Variants in ST18 observed in about 807,000 individuals in gnomAD.
The protein encoded by ST18 is suppression of tumorigenicity 18 protein.
Under a neutral mutation model 110.0 loss-of-function variants are expected in ST18, and 50 were observed. That is an observed-to-expected ratio of 0.45 (90% CI 0.36 to 0.58). ST18 has a LOEUF of 0.58. Ranked by LOEUF, ST18 falls within the 20% of genes least tolerant of loss-of-function variation. ST18 has a pLI of 0.00. For missense variants in ST18, 1,306 were observed against 1,280.1 expected, an observed-to-expected ratio of 1.02 and a Z score of -0.31; for synonymous variants, 461 against 452.4, an observed-to-expected ratio of 1.02 and a Z score of -0.24.
chr8:52,269,160 G>A (rs888667066), intron 2 of ST18, among the ~76,000 whole-genome samples: 5 of 152,176 alleles, frequency 3.3e-5, no homozygotes, highest in African/African-American at 9.7e-5. Flanking sequence ...AATGCTGGGC[G>A]GCAATGACTT....
In ST18 at chr8:52,172,065, G is replaced by C; in HGVS notation, c.796C>G (p.Pro266Ala). Residue 266 changes from proline to alanine, a missense_variant, in exon 10 of 26, where the codon CCC becomes GCC. Transcript: ENST00000689386. ...GAGGGCTGGGCATTGCCATCCAGGG[G>C]TTCTGCGAGAGCATTCTGCGGGTCT... The part of the protein sequence containing the change: ...RKDPQNALAE[P>A]LDGNAQPSFP... 6.2e-7 allele frequency: 1 copy of C among 1,614,232 alleles called. No homozygotes were observed.
At chr8:52,278,015 A>G (rs1419718404) in intron 2 of ST18, among the ~76,000 whole-genome samples, 2 of 152,142 alleles carry the variant, frequency 1.3e-5, no homozygotes, top group African/African-American at 4.8e-5. Context: ...AATATTATAA[A>G]ATTAATTATT....
chr8:52,233,217 A>G (rs2091902918), intron 2 of ST18, among the ~76,000 whole-genome samples: 1 of 152,158 alleles, frequency 6.6e-6, no homozygotes, highest in Non-Finnish European at 1.5e-5. Context: ...ATTCTTCTGG[A>G]GAATGTTTAT....
chr8:52,127,586 C>G (rs7822841), intron 22 of ST18, among the ~76,000 whole-genome samples: 47,742 of 152,104 alleles, frequency 0.31, 11,208 homozygotes, highest in African/African-American at 0.67. Context: ...GAACTTCTCT[C>G]ATCCTCACCC....
chr8:52,182,001 T>C (rs2069853796), intron 8 of ST18, among the ~76,000 whole-genome samples: 2 of 151,972 alleles, frequency 1.3e-5, no homozygotes, highest in African/African-American at 4.8e-5. Context: ...ATGAAAAGGA[T>C]AGTTAAAGTA....
intron 2 of ST18, among the ~76,000 whole-genome samples, chr8:52,371,270 G>A (rs1180427980): frequency 1.3e-5 from 2 of 152,204 alleles, no homozygotes; most frequent in African/African-American, 4.8e-5. Context: ...AATATTGAGA[G>A]AATTTAATGA....
chr8:52,390,951 G>C (rs1590632506), intron 2 of ST18, among the ~76,000 whole-genome samples: 2 of 152,230 alleles, frequency 1.3e-5, no homozygotes, highest in Admixed American at 6.5e-5. Context: ...ATCAATAAAT[G>C]GATAACAACA....
chr8:52,360,381 T>C (rs1232298028), intron 2 of ST18, among the ~76,000 whole-genome samples: 1 of 152,140 alleles, frequency 6.6e-6, no homozygotes, highest in Non-Finnish European at 1.5e-5. Flanking sequence ...AATATAAATA[T>C]ACTGTGAGGT....
intron 23 of ST18, among the ~76,000 whole-genome samples, chr8:52,120,073 C>T (rs1412919110): frequency 6.6e-6 from 1 of 152,182 alleles, no homozygotes; most frequent in South Asian, 2.1e-4. Context: ...ACTCAGGATT[C>T]ATTCTGCACT....
intron 2 of ST18, among the ~76,000 whole-genome samples, chr8:52,259,461 G>T (rs1225214553): frequency 6.6e-6 from 1 of 152,134 alleles, no homozygotes; most frequent in African/African-American, 2.4e-5. Flanking sequence ...ATTTGCAAAA[G>T]TAGTTATATT....
intron 15 of ST18, among the ~76,000 whole-genome samples, chr8:52,151,926 G>A (rs557224780): frequency 6.6e-6 from 1 of 152,146 alleles, no homozygotes; most frequent in South Asian, 2.1e-4. Context: ...GTGCAGATTC[G>A]ATTTCTCTGA....
At chr8:52,329,226 T>A (rs1408044941) in intron 2 of ST18, among the ~76,000 whole-genome samples, 1 of 140,240 alleles carries the variant, frequency 7.1e-6, no homozygotes, top group Non-Finnish European at 1.5e-5. Context: ...TTTATGTGTG[T>A]GTGTGTGTGT....
chr8:52,204,525 A>T (rs922767919), intron 8 of ST18, among the ~76,000 whole-genome samples: 2 of 152,190 alleles, frequency 1.3e-5, no homozygotes, highest in African/African-American at 4.8e-5. Context: ...GACGTGATCT[A>T]TTCTCACCCA....
chr8:52,394,559 T>G (rs1476396024), intron 2 of ST18, among the ~76,000 whole-genome samples: 1 of 151,774 alleles, frequency 6.6e-6, no homozygotes, highest in Non-Finnish European at 1.5e-5. Flanking sequence ...CAAGAAAGAT[T>G]TATTTTTATC....
In ST18 at chr8:52,163,780, C is replaced by T. The variant is rs540958716; in HGVS notation, c.1400+206G>A. ...GCAAAGAGATGACTTTCAAGTTAAACTTCTGGAGAGTTTAGTAGTTCATTT... is the reference window on the plus strand; with the variant it reads ...GCAAAGAGATGACTTTCAAGTTAAATTTCTGGAGAGTTTAGTAGTTCATTT... On this transcript the variant is annotated intron_variant, in intron 13 of 25. Transcript: ENST00000689386. Among the ~76,000 whole-genome samples the T allele has an allele frequency of 2.0e-4, 30 of 152,240 alleles. 1 individual carries two copies. The highest frequency in any genetic ancestry group is 7.0e-4 in the African/African-American group (29 of 41,534).
chr8:52,128,197 G>A (rs182679379), intron 22 of ST18, among the ~76,000 whole-genome samples: 2 of 152,308 alleles, frequency 1.3e-5, no homozygotes, highest in Non-Finnish European at 1.5e-5. Flanking sequence ...TCGAACTCCT[G>A]ACAGCAAGTG....
Position 52,166,975 on chromosome 8 carries a change from G to A in ST18, c.1081C>T (p.Pro361Ser). Residue 361 changes from proline to serine, a missense_variant, in exon 11 of 26, where the codon CCT becomes TCT. Transcript: ENST00000689386. ...QIFNNKHSPR[P>S]EKRETKCPIP... is the part of the protein sequence containing the mutation. ...GGGCACTTGGTCTCCCTCTTTTCAG[G>A]CCTTGGTGAATCTATGGAGAAATTC... 1 of 1,608,168 alleles carries A rather than the reference G, an allele frequency of 6.2e-7. No individual in the cohort carries two copies. Among genetic ancestry groups the A allele is most frequent in the East Asian group, 2.2e-5 (1 of 44,684 alleles).
intron 17 of ST18, among the ~76,000 whole-genome samples, chr8:52,139,868 G>C (rs2054218126): frequency 6.6e-6 from 1 of 152,190 alleles, no homozygotes; most frequent in Non-Finnish European, 1.5e-5. Context: ...TTGCAGTTTG[G>C]AATTTTGATA....
At chr8:52,183,195 A>C (rs1421924949) in intron 8 of ST18, among the ~76,000 whole-genome samples, 1 of 152,162 alleles carries the variant, frequency 6.6e-6, no homozygotes, top group Non-Finnish European at 1.5e-5. Context: ...CAACCTCTCT[A>C]ACTAGAAGAA....
Sources: allele counts gnomAD v4.1 joint callset (sites outside exome capture counted in the v4.1 genomes callset), GRCh38; gene constraint gnomAD v4.1.1; transcripts MANE v1.5; gene names NCBI Gene and HGNC (gene_info 2026-07-23, HGNC 2026-07-21).